Variants in SPATA31H1 observed in about 807,000 individuals in gnomAD.
The protein encoded by SPATA31H1 is SPATA31 subfamily H member 1, also known as spermatogenesis-associated protein 31H1.
the SPATA31H1 span, chr2:27,582,672 G>T: frequency 6.7e-6 from 5 of 746,380 alleles, no homozygotes; most frequent in Non-Finnish European, 1.1e-5. Context: ...GGGGAGGCGG[G>T]TGAGAATGGG....
At chr2:27,537,528 G>A in the SPATA31H1 span, 6 of 717,166 alleles carry the variant, frequency 8.4e-6, no homozygotes, top group Non-Finnish European at 1.3e-5. Flanking sequence ...TGTTTTCCAG[G>A]AATCGGAGCT....
chr2:27,548,553 A>T, the SPATA31H1 span, among the ~76,000 whole-genome samples: 2 of 149,582 alleles, frequency 1.3e-5, no homozygotes, highest in Non-Finnish European at 3.0e-5. Context: ...GGTTGCATTG[A>T]GCCAAGTTTA....
the SPATA31H1 span, among the ~76,000 whole-genome samples, chr2:27,546,993 A>G: frequency 6.6e-6 from 1 of 151,856 alleles, no homozygotes; most frequent in Non-Finnish European, 1.5e-5. Flanking sequence ...AGACCATCCT[A>G]TTCTCATTGA....
chr2:27,556,865 C>T, the SPATA31H1 span, among the ~76,000 whole-genome samples: 15 of 104,086 alleles, frequency 1.4e-4, no homozygotes, highest in Admixed American at 4.3e-4. Flanking sequence ...CTTGGCCTTC[C>T]GCAGTGTTTG....
At chr2:27,552,017 T>C in the SPATA31H1 span, among the ~76,000 whole-genome samples, 1 of 151,976 alleles carries the variant, frequency 6.6e-6, no homozygotes, top group Non-Finnish European at 1.5e-5. Flanking sequence ...GGTTTCACCA[T>C]GTTGGCCAGG....
chr2:27,579,777 C>A, the SPATA31H1 span: 41 of 1,614,062 alleles, frequency 2.5e-5, no homozygotes, highest in Non-Finnish European at 3.1e-5. Context: ...CTCCCTCAAG[C>A]CAAATTATCT....
At chr2:27,576,088 C>T in the SPATA31H1 span, 3 of 400,232 alleles carry the variant, frequency 7.5e-6, no homozygotes, top group Non-Finnish European at 1.3e-5. Flanking sequence ...GTGAATTCTT[C>T]TGAGTTGAAT....
At chr2:27,570,267 G>C in the SPATA31H1 span, 1 of 398,808 alleles carries the variant, frequency 2.5e-6, no homozygotes, top group Non-Finnish European at 4.4e-6. Context: ...TATGAAATCT[G>C]TTCTGTCTAC....
chr2:27,539,101 C>CTTTTTTTTTTT, the SPATA31H1 span, among the ~76,000 whole-genome samples: 3 of 94,642 alleles, frequency 3.2e-5, no homozygotes, highest in African/African-American at 8.9e-5. Flanking sequence ...TCATCATTTT[C>CTTTTTTTTTTT]TTTTTTTTTT....
chr2:27,577,948 A>C, the SPATA31H1 span: 2 of 1,614,146 alleles, frequency 1.2e-6, no homozygotes, highest in Non-Finnish European at 1.7e-6. This position sits in a 1 kb window ranked among gnomAD's most constrained non-coding sequence, Gnocchi z 4.5. Flanking sequence ...CAAAGTATGA[A>C]ATCTCCAGGG....
the SPATA31H1 span, chr2:27,567,158 T>A: frequency 1.5e-6 from 1 of 673,518 alleles, no homozygotes; most frequent in Admixed American, 2.4e-5. Flanking sequence ...GGAAAAAAAA[T>A]GATGAGAGAA....
the SPATA31H1 span, chr2:27,580,127 T>G: frequency 8.1e-6 from 13 of 1,614,058 alleles, no homozygotes; most frequent in Non-Finnish European, 1.1e-5. Context: ...GTGAAAGAGA[T>G]AGACCCGTCA....
At chr2:27,572,904 C>T in the SPATA31H1 span, 2 of 397,906 alleles carry the variant, frequency 5.0e-6, no homozygotes, top group South Asian at 1.3e-4. Flanking sequence ...CCAAGGACCA[C>T]AGCTGCAAAA....
the SPATA31H1 span, among the ~76,000 whole-genome samples, chr2:27,545,666 C>T: frequency 6.6e-6 from 1 of 151,400 alleles, no homozygotes; most frequent in Non-Finnish European, 1.5e-5. Flanking sequence ...CCTCTGCCTC[C>T]TGAGATCAAG....
At chr2:27,547,979 CTTTTTT>C in the SPATA31H1 span, among the ~76,000 whole-genome samples, 2 of 113,264 alleles carry the variant, frequency 1.8e-5, no homozygotes, top group African/African-American at 3.3e-5. Context: ...ATAGTAATTT[CTTTTTT>C]TTTTTTTTTT....
the SPATA31H1 span, chr2:27,578,281 C>T: frequency 6.2e-7 from 1 of 1,614,158 alleles, no homozygotes; most frequent in East Asian, 2.2e-5. Context: ...AAATTAATCA[C>T]AAAGCCAAAA....
the SPATA31H1 span, among the ~76,000 whole-genome samples, chr2:27,552,895 C>T: frequency 2.6e-5 from 4 of 151,914 alleles, no homozygotes; most frequent in Admixed American, 6.6e-5. Context: ...GGTTTCTTTC[C>T]GATATTCTGT....
chr2:27,567,705 CAT>C, the SPATA31H1 span: 2 of 400,278 alleles, frequency 5.0e-6, no homozygotes, highest in Admixed American at 4.3e-5. Context: ...TGATCCAAAA[CAT>C]GTGCTAGAGC....
the SPATA31H1 span, chr2:27,581,318 T>A: frequency 6.2e-7 from 1 of 1,613,816 alleles, no homozygotes; most frequent in South Asian, 1.1e-5. Flanking sequence ...AGAGAAGACA[T>A]CACAGTCCCT....
Sources: allele counts gnomAD v4.1 joint callset (sites outside exome capture counted in the v4.1 genomes callset), GRCh38; gene constraint gnomAD v4.1.1; non-coding constraint Gnocchi (gnomAD v3.1); transcripts MANE v1.5; gene names NCBI Gene and HGNC (gene_info 2026-07-23, HGNC 2026-07-21).